The following ITGB7 variants were observed in gnomAD, a reference collection of about 807,000 sequenced individuals.
ITGB7 encodes the protein integrin beta-7.
In ITGB7, 55 loss-of-function variants were observed where a neutral mutation model predicts 83.4. The observed-to-expected ratio is 0.66, with a 90% confidence interval of 0.53 to 0.83. The LOEUF (loss-of-function observed/expected upper bound fraction) is 0.83, where lower values mean the gene tolerates loss of function less well. Ranked by LOEUF, ITGB7 falls within the 40% of genes least tolerant of loss-of-function variation. ITGB7 has a pLI of 0.00. For synonymous variants in ITGB7, 454 were observed against 423.6 expected (o/e 1.07, Z -0.88); for missense variants, 921 against 1,046.7 (o/e 0.88, Z 1.66).
chr12:53,197,946 G>A lies in ITGB7; in HGVS notation c.207C>T (p.Phe69=). The change falls in exon 4 of 16, where the codon TTC becomes TTT. Residue 69 remains phenylalanine, a synonymous_variant. Coordinates refer to ENST00000267082, the MANE Select transcript of ITGB7 (RefSeq NM_000889.3). The part of the protein sequence containing the change: ...PSCAWCKQLN[F]TASGEAEARR... ...GCGCCTCCGCCTCTCCCGACGCGGT[G>A]AAGTTCTGCTCAGCAAGAAAAGGCG... 6.5e-7 allele frequency: 1 copy of A among 1,540,390 alleles called. No individual in the cohort carries two copies.
At chr12:53,205,843 C>T (rs1166262232) in intron 1 of ITGB7, among the ~76,000 whole-genome samples, 3 of 152,136 alleles carry the variant, frequency 2.0e-5, no homozygotes, top group South Asian at 2.1e-4. Flanking sequence ...TCCTGCTCCC[C>T]ACCACCTGTG....
Position 53,196,662 on chromosome 12 carries a change from C to T in ITGB7, c.733G>A (p.Glu245Lys). 10 of 1,611,610 alleles carry T rather than the reference C, an allele frequency of 6.2e-6. No homozygotes were observed. Among genetic ancestry groups the T allele is most frequent in the Non-Finnish European group, 8.5e-6 (10 of 1,178,788 alleles). ...CCGGACACACTCTGGCGCCCCACCT[C>T]CCGCTCGAAGGCTTGTGCGTCCCCC... ...LTGDAQAFER[E>K]VGRQSVSGNL... The change falls in exon 6 of 16, where the codon GAG becomes AAG. Residue 245 changes from glutamate to lysine, a missense_variant. By Grantham distance (56) the Glu-to-Lys change is moderately conservative. Coordinates refer to ENST00000267082, the MANE Select transcript of ITGB7 (RefSeq NM_000889.3).
At chr12:53,205,427 G>A (rs1942419549) in intron 1 of ITGB7, among the ~76,000 whole-genome samples, 1 of 152,032 alleles carries the variant, frequency 6.6e-6, no homozygotes, top group South Asian at 2.1e-4. Flanking sequence ...GAGCTCAAGC[G>A]ACCCACCTGC....
At chr12:53,198,549 G>A (rs1329935904) in intron 3 of ITGB7, among the ~76,000 whole-genome samples, 1 of 151,712 alleles carries the variant, frequency 6.6e-6, no homozygotes, top group Non-Finnish European at 1.5e-5. Flanking sequence ...AACCGCCACC[G>A]GTGGAACTCT....
At position 53,193,202 on chromosome 12, in the gene ITGB7, G is replaced by A. The variant is rs1332486845; in HGVS notation, c.1664C>T (p.Ser555Phe). 1.2e-6 allele frequency: 2 copies of A among 1,614,106 alleles called. No homozygotes were observed. The highest frequency in any genetic ancestry group is 8.5e-7 in the Non-Finnish European group (1 of 1,180,010). The change falls in exon 12 of 16, where the codon TCT (serine) becomes TTT (phenylalanine). Residue 555 changes from serine to phenylalanine, a missense_variant. Physicochemically the swap from Ser to Phe is radical, Grantham distance 155 (BLOSUM62 -2). Coordinates refer to ENST00000267082, the MANE Select transcript of ITGB7 (RefSeq NM_000889.3). Reference sequence around the variant, plus strand: ...ATCGTCACACTCGCACAGATGCCCAGAGCTCTGTCCACTGCAGCTGCAGCG... The same window carrying A: ...ATCGTCACACTCGCACAGATGCCCAAAGCTCTGTCCACTGCAGCTGCAGCG... ...CGRCSCSGQSSGHLCECDDAS... is the reference protein window; with the variant it reads ...CGRCSCSGQSFGHLCECDDAS...
Position 53,197,527 on chromosome 12 carries a change from G to A in ITGB7, c.540C>T (p.Val180=). The change falls in exon 5 of 16, where the codon GTC becomes GTT. Residue 180 remains valine, a synonymous_variant. Coordinates refer to ENST00000267082, the MANE Select transcript of ITGB7 (RefSeq NM_000889.3). ...CAGAATGGGTGACTTCCTGCAGCCG[G>A]ACCAGCAGAGCGTGCCCGAGCTGGC... ...RVRQLGHALL[V]RLQEVTHSVR... The A allele has an allele frequency of 6.2e-7, 1 of 1,614,174 alleles. No homozygotes were observed. The highest frequency in any genetic ancestry group is 8.5e-7 in the Non-Finnish European group (1 of 1,180,016).
In ITGB7 at chr12:53,194,062, C is replaced by G. The variant is rs1329056333; in HGVS notation, c.1308+136G>C. On this transcript the variant is annotated intron_variant, in intron 10 of 15. Coordinates refer to ENST00000267082, the MANE Select transcript of ITGB7 (RefSeq NM_000889.3). The stretch of plus-strand genomic sequence containing the variant: ...GCCTGAGGAAGCCACTCAGACTGCT[C>G]CAGGAAGGATGGATGGAGGACTACC... The G allele has an allele frequency of 8.0e-5, 112 of 1,401,368 alleles. 2 individuals carry two copies. The South Asian group carries it at 1.4e-3, about 18-fold the overall frequency. The allele number at this position is 1,401,368 out of a possible 1,614,324, so 86.8% of individuals were successfully genotyped here. A position where few individuals can be genotyped will look rare whatever the true frequency, so the allele number is the denominator to read the frequency against.
chr12:53,194,507 G>C (rs551044155), intron 9 of ITGB7, 163 bp from the exon 10 acceptor site: 1 of 641,822 alleles, frequency 1.6e-6, no homozygotes, highest in Non-Finnish European at 2.7e-6. Context: ...GGGAGGACCC[G>C]TGAGAACCTT....
At chr12:53,193,664 G>C in intron 11 of ITGB7, 44 bp downstream of exon 11, 1 of 1,536,804 alleles carries the variant, frequency 6.5e-7, no homozygotes, top group South Asian at 1.2e-5. Context: ...AGGGTTGGTT[G>C]GTTGTTGGGA....
chr12:53,193,679 G>C, intron 11 of ITGB7, 29 bp downstream of exon 11: 2 of 1,576,006 alleles, frequency 1.3e-6, no homozygotes, highest in Non-Finnish European at 1.7e-6. Context: ...TTGGGAGCCA[G>C]GTGGTTGAAG....
chr12:53,191,719 C>T (rs763323452), intron 15 of ITGB7, 83 bp from the exon 16 acceptor site: 21 of 1,531,176 alleles, frequency 1.4e-5, no homozygotes, highest in African/African-American at 4.1e-5. Context: ...AGCCTTGAGC[C>T]GAATCCTAGG....
intron 12 of ITGB7, 26 bp downstream of exon 12, chr12:53,193,114 G>T: frequency 6.3e-7 from 1 of 1,582,014 alleles, no homozygotes; most frequent in South Asian, 1.1e-5. Context: ...CTCAGACCCC[G>T]CCCTTCTCCC....
At chr12:53,204,734 A>C (rs781635994) in intron 1 of ITGB7, among the ~76,000 whole-genome samples, 3 of 152,144 alleles carry the variant, frequency 2.0e-5, no homozygotes, top group Non-Finnish European at 4.4e-5. Context: ...AAGTTAAATA[A>C]GATGGTGAGA....
In ITGB7 at chr12:53,203,807, C is replaced by T. The variant is rs1006472504; in HGVS notation, c.-126-2613G>A. Among the ~76,000 whole-genome samples the T allele has an allele frequency of 1.0e-3, 153 of 152,032 alleles. 6 individuals carry two copies. Among genetic ancestry groups the T allele is most frequent in the Non-Finnish European group, 2.5e-4 (17 of 67,988 alleles). On this transcript the variant is annotated intron_variant, in intron 1 of 15. Transcript: ENST00000267082. ...AGAAATTGGGATCTTTATACATTAC[C>T]GTGTAAGGAATGTAAAGTGGTACAA...
At chr12:53,196,014 A>G in intron 7 of ITGB7, 27 bp downstream of exon 7, 1 of 1,609,056 alleles carries the variant, frequency 6.2e-7, no homozygotes. Flanking sequence ...TGAAATGGGG[A>G]GAGGCAGGGT....
At position 53,193,851 on chromosome 12, in the gene ITGB7, A is replaced by G. The variant is rs1942061217; in HGVS notation, c.1359T>C (p.His453=). 5 of 1,613,840 alleles carry G rather than the reference A, an allele frequency of 3.1e-6. No individual in the cohort carries two copies. The African/African-American group carries it at 5.3e-5, about 17-fold the overall frequency. The part of the protein sequence containing the change: ...LQATHCLPEP[H]LLRLRALGFS... ...AGCCAAGGGCCCGGAGCCTCAGGAGATGGGGCTCTGGGAGGCAGTGGGTGG... is the reference window on the plus strand; with the variant it reads ...AGCCAAGGGCCCGGAGCCTCAGGAGGTGGGGCTCTGGGAGGCAGTGGGTGG... Residue 453 remains histidine (H), a synonymous_variant, in exon 11 of 16, where the codon CAT becomes CAC. Transcript: ENST00000267082.
intron 5 of ITGB7, 97 bp from the exon 6 acceptor site, chr12:53,196,917 G>T: frequency 7.0e-7 from 1 of 1,424,062 alleles, no homozygotes; most frequent in Non-Finnish European, 9.6e-7. Context: ...GGGGAGGACG[G>T]TGATGGGAGA....
chr12:53,204,155 G>A (rs903401800), intron 1 of ITGB7, among the ~76,000 whole-genome samples: 3 of 152,070 alleles, frequency 2.0e-5, no homozygotes. Context: ...CGAGGCGGGT[G>A]GATCACTTGA....
chr12:53,191,752 G>A (rs1941953612), intron 15 of ITGB7, 107 bp downstream of exon 15: 1 of 1,529,172 alleles, frequency 6.5e-7, no homozygotes, highest in South Asian at 1.1e-5. Flanking sequence ...TTAGCAGAGG[G>A]GTTGGTTACA....
Sources: gnomAD v4.1 joint callset for allele counts (sites outside exome capture counted in the v4.1 genomes callset) on GRCh38, gnomAD v4.1.1 for gene constraint, MANE v1.5 for transcripts, NCBI Gene and HGNC (gene_info 2026-07-23, HGNC 2026-07-21) for gene names.